SLC25A21: variants seen among roughly 807,000 people sequenced by gnomAD.
SLC25A21 encodes solute carrier family 25 member 21.
Under a neutral mutation model 43.8 loss-of-function variants are expected in SLC25A21, and 47 were observed. The ratio of observed to expected loss-of-function variants is 1.07; its 90% CI spans 0.85 to 1.37. The LOEUF (loss-of-function observed/expected upper bound fraction) is 1.37. SLC25A21 is among the 40% of genes most tolerant of loss of function. The probability of loss-of-function intolerance (pLI) is 0.00; values close to 1 mark genes in which losing one functional copy is unlikely to be tolerated. For missense variants in SLC25A21, 352 were observed against 350.2 expected, an observed-to-expected ratio of 1.00 and a Z score of -0.04; for synonymous variants, 131 against 121.3, an observed-to-expected ratio of 1.08 and a Z score of -0.52.
At chr14:37,170,666 CCTGTAGT>C (rs1396540038) in intron 1 of SLC25A21, among the ~76,000 whole-genome samples, 2 of 152,006 alleles carry the variant, frequency 1.3e-5, no homozygotes, top group Non-Finnish European at 2.9e-5. Context: ...GTGGCTCACG[CCTGTAGT>C]CCCACCACTT....
chr14:36,993,968 G>C (rs1480280486), intron 1 of SLC25A21, among the ~76,000 whole-genome samples: 1 of 152,126 alleles, frequency 6.6e-6, no homozygotes, highest in Non-Finnish European at 1.5e-5. Flanking sequence ...TTTGCATTGT[G>C]TTGGTAAAGA....
chr14:37,142,814 A>G (rs1283376549), intron 1 of SLC25A21, among the ~76,000 whole-genome samples: 1 of 152,224 alleles, frequency 6.6e-6, no homozygotes, highest in South Asian at 2.1e-4. Context: ...TCGAAATAGT[A>G]GTATCTGAGG....
chr14:36,712,976 T>C (rs1221697277), intron 6 of SLC25A21, among the ~76,000 whole-genome samples: 2 of 152,128 alleles, frequency 1.3e-5, no homozygotes, highest in East Asian at 3.9e-4. Flanking sequence ...GCCCAAGTAC[T>C]GCTATCTTGC....
chr14:37,104,474 G>A (rs1287908892), intron 1 of SLC25A21, among the ~76,000 whole-genome samples: 2 of 152,134 alleles, frequency 1.3e-5, no homozygotes, highest in Non-Finnish European at 2.9e-5. Context: ...TTAAAGTAAT[G>A]AGTAACTTAT....
intron 3 of SLC25A21, chr14:36,808,892 C>T (rs922947769): frequency 6.6e-6 from 1 of 152,186 alleles, no homozygotes; most frequent in Non-Finnish European, 1.5e-5. Context: ...CATTCAAGCA[C>T]TTTCAGAGGA....
intron 1 of SLC25A21, among the ~76,000 whole-genome samples, chr14:37,092,786 T>C (rs1334532663): frequency 6.6e-6 from 1 of 152,080 alleles, no homozygotes; most frequent in Non-Finnish European, 1.5e-5. Flanking sequence ...TTTTTAATTT[T>C]TCAATTAAAT....
chr14:36,833,329 G>A (rs1351821512), intron 2 of SLC25A21, among the ~76,000 whole-genome samples: 1 of 152,218 alleles, frequency 6.6e-6, no homozygotes, highest in African/African-American at 2.4e-5. Context: ...AGCTTCTGGG[G>A]CAGTGAGCAA....
chr14:36,855,898 G>A (rs915839009), intron 2 of SLC25A21, among the ~76,000 whole-genome samples: 4 of 152,072 alleles, frequency 2.6e-5, no homozygotes, highest in African/African-American at 7.2e-5. Flanking sequence ...GCGGGTATTC[G>A]GCAATGTCTG....
At chr14:37,006,640 A>G (rs1960610547) in intron 1 of SLC25A21, among the ~76,000 whole-genome samples, 2 of 149,276 alleles carry the variant, frequency 1.3e-5, no homozygotes, top group South Asian at 4.2e-4. Flanking sequence ...ATGCTACTCC[A>G]GAATCCCAGA....
chr14:36,772,560 G>A (rs552719744), intron 3 of SLC25A21, among the ~76,000 whole-genome samples: 1 of 152,272 alleles, frequency 6.6e-6, no homozygotes, highest in South Asian at 2.1e-4. Context: ...TATGTGAAGA[G>A]CAGAGAACAA....
At chr14:37,025,293 T>C (rs1420862320) in intron 1 of SLC25A21, among the ~76,000 whole-genome samples, 1 of 152,152 alleles carries the variant, frequency 6.6e-6, no homozygotes, top group Non-Finnish European at 1.5e-5. Flanking sequence ...TCCACCCGTA[T>C]CTAATCCTGG....
At chr14:36,924,462 T>G (rs1192395976) in intron 1 of SLC25A21, among the ~76,000 whole-genome samples, 1 of 150,516 alleles carries the variant, frequency 6.6e-6, no homozygotes, top group African/African-American at 2.5e-5. Flanking sequence ...CACTCATAGG[T>G]GGGAATTGAA....
At chr14:37,106,542 C>T (rs890176641) in intron 1 of SLC25A21, among the ~76,000 whole-genome samples, 5 of 152,032 alleles carry the variant, frequency 3.3e-5, no homozygotes, top group African/African-American at 4.8e-5. Context: ...AAAAAACAAC[C>T]CTGTTTTCTG....
At chr14:36,769,109 G>A (rs1886524323) in intron 3 of SLC25A21, among the ~76,000 whole-genome samples, 1 of 152,182 alleles carries the variant, frequency 6.6e-6, no homozygotes, top group South Asian at 2.1e-4. Flanking sequence ...TATTGCTGCA[G>A]CTGTGGATAA....
At chr14:37,113,468 T>C (rs1039209585) in intron 1 of SLC25A21, among the ~76,000 whole-genome samples, 8 of 152,294 alleles carry the variant, frequency 5.3e-5, no homozygotes, top group African/African-American at 1.9e-4. Flanking sequence ...TACTAAACAA[T>C]TATATCATTG....
intron 5 of SLC25A21, among the ~76,000 whole-genome samples, chr14:36,729,228 G>A (rs1381100490): frequency 2.0e-5 from 3 of 152,130 alleles, no homozygotes; most frequent in Admixed American, 2.0e-4. Flanking sequence ...TGGTTTAAAA[G>A]GAGTCTTTGA....
chr14:36,923,955 G>T (rs1319280304), intron 1 of SLC25A21, among the ~76,000 whole-genome samples: 1 of 152,124 alleles, frequency 6.6e-6, no homozygotes, highest in Non-Finnish European at 1.5e-5. Context: ...TCAGAGAAAT[G>T]CAAATCAAAA....
chr14:36,871,029 C>A (rs1222919070), intron 2 of SLC25A21: 2 of 152,198 alleles, frequency 1.3e-5, no homozygotes, highest in Admixed American at 6.5e-5. Flanking sequence ...CTCTATTCTT[C>A]CTGCCACAGG....
rs1555326335 is a variant in SLC25A21 at position 36,760,389 on chromosome 14, A to AAGGC, written c.204-25820_204-25817dup. The stretch of plus-strand genomic sequence containing the variant: ...GAAGGAAGGAAGGAAGGAAGGAAGG[A>AAGGC]AGGCAGGCCTCATGAAGAAAATCTC... On this transcript the variant is annotated intron_variant, in intron 3 of 9. Coordinates refer to ENST00000331299, the MANE Select transcript of SLC25A21 (RefSeq NM_030631.4). Among the ~76,000 whole-genome samples, 163 of 146,782 alleles carry AAGGC rather than the reference A, an allele frequency of 1.1e-3. 2 individuals carry two copies. In the East Asian group the frequency reaches 0.027, roughly 25 times the overall value.
Sources: allele counts gnomAD v4.1 joint callset (sites outside exome capture counted in the v4.1 genomes callset), GRCh38; gene constraint gnomAD v4.1.1; transcripts MANE v1.5; gene names NCBI Gene and HGNC (gene_info 2026-07-23, HGNC 2026-07-21).